Variants in ITGA5 observed in about 807,000 individuals in gnomAD.
The protein encoded by ITGA5 is integrin subunit alpha 5.
In ITGA5, 55 loss-of-function variants were observed where a neutral mutation model predicts 146.3. That is an observed-to-expected ratio of 0.38 (90% CI 0.30 to 0.47). The LOEUF (loss-of-function observed/expected upper bound fraction) is 0.47. ITGA5 is among the 20% of genes least tolerant of loss of function. The pLI is 0.99. For synonymous variants in ITGA5, 500 were observed against 531.8 expected, an observed-to-expected ratio of 0.94 and a Z score of 0.82; for missense variants, 1,131 against 1,329.0, an observed-to-expected ratio of 0.85 and a Z score of 2.32.
chr12:54,405,971 T>C (rs1955861867), intron 9 of ITGA5, 45 bp from the exon 10 acceptor site: 1 of 1,544,470 alleles, frequency 6.5e-7, no homozygotes, highest in Non-Finnish European at 9.0e-7. Context: ...ACTCCCAGAA[T>C]ATCCCATGGT....
Position 54,417,758 on chromosome 12 carries a change from C to T in ITGA5, c.218+1223G>A, listed in dbSNP as rs1353166309. 3.3e-5 allele frequency among the ~76,000 whole-genome samples: 5 copies of T among 152,202 alleles called. No individual in the cohort carries two copies. The South Asian group carries it at 8.3e-4, about 25-fold the overall frequency. ...GTGGGGGTGAGCAGTAGGAAGCTCC[C>T]AGCTCAGAGATGTAGAAGAAAAAGG... is the stretch of plus-strand genomic sequence containing the variant. On this transcript the variant is annotated intron_variant, in intron 1 of 29. Transcript: ENST00000293379.
rs1322457345 is a variant in ITGA5 at position 54,396,252 on chromosome 12, G to A, written c.*41C>T. ...CCTTTTCAGTAGAATGAGGGTGGGGGGACTGGTTCTTCAGGAATGGGAGTC... is the reference window on the plus strand; with the variant it reads ...CCTTTTCAGTAGAATGAGGGTGGGGAGACTGGTTCTTCAGGAATGGGAGTC... On this transcript the variant is annotated 3_prime_UTR_variant, in exon 30 of 30. Transcript: ENST00000293379. 6.8e-7 allele frequency: 1 copy of A among 1,470,426 alleles called. No homozygotes were observed. The highest frequency in any genetic ancestry group is 1.1e-5 in the South Asian group (1 of 88,062). 91.1% of individuals were successfully genotyped at this position (1,470,426 alleles called of 1,614,324 possible). A position where few individuals can be genotyped will look rare whatever the true frequency, so the allele number is the denominator to read the frequency against.
rs200918284 is a variant in ITGA5, at chr12:54,405,169, T to C, written c.1222A>G (p.Asn408Asp). 5.9e-5 allele frequency: 94 copies of C among 1,596,222 alleles called. No homozygotes were observed. Among genetic ancestry groups the C allele is most frequent in the Admixed American group, 1.7e-5 (1 of 58,842 alleles). ...TCTCTGAGCCCATGGTACTCACCAT[T>C]GTAGCCATCCTGGTCCAGGTCCCCC... is the stretch of plus-strand genomic sequence containing the variant. ...PLGDLDQDGYNDVAIGAPFGG... is the reference protein window; with the variant it reads ...PLGDLDQDGYDDVAIGAPFGG... The change falls in exon 12 of 30, where the codon AAT becomes GAT. Residue 408 changes from asparagine to aspartate, a missense_variant. Coordinates refer to ENST00000293379, the MANE Select transcript of ITGA5 (RefSeq NM_002205.5).
At chr12:54,407,338 C>T in intron 9 of ITGA5, 1 of 409,248 alleles carries the variant, frequency 2.4e-6, no homozygotes, top group South Asian at 3.1e-5. Context: ...GCCAGTTGTA[C>T]ATTGCCTAAC....
intron 9 of ITGA5, among the ~76,000 whole-genome samples, chr12:54,406,484 T>C (rs373591363): frequency 6.6e-6 from 1 of 152,220 alleles, no homozygotes; most frequent in African/African-American, 2.4e-5. Flanking sequence ...ACAATGTCCC[T>C]GCCTCCAGCT....
rs79092642 is a variant in ITGA5 at position 54,404,228 on chromosome 12, G to A, written c.1482C>T (p.Ser494=). The change falls in exon 15 of 30, where the codon TCC becomes TCT. Residue 494 remains serine (S), a synonymous_variant. Coordinates refer to ENST00000293379, the MANE Select transcript of ITGA5 (RefSeq NM_002205.5). ...GGAAGATGGTGAGGGAGGCACTAGC[G>A]GACACGATGGGGCGGCCCCTGCCAA... ...AVVYRGRPIV[S]ASASLTIFPA... 4,617 of 1,601,636 alleles carry A rather than the reference G, an allele frequency of 2.9e-3. 130 individuals carry two copies. The African/African-American group carries it at 0.055, about 19-fold the overall frequency.
chr12:54,411,300 T>C (rs1296282293), intron 2 of ITGA5, among the ~76,000 whole-genome samples: 1 of 152,180 alleles, frequency 6.6e-6, no homozygotes, highest in African/African-American at 2.4e-5. Context: ...CCTTATACAG[T>C]TGTTGAAAAG....
At chr12:54,404,343 A>G (rs937226266) in intron 14 of ITGA5, 87 bp downstream of exon 14, 18 of 1,574,112 alleles carry the variant, frequency 1.1e-5, no homozygotes, top group Non-Finnish European at 1.5e-5. Context: ...TGTCCTCTGC[A>G]TTGATTTTCC....
At chr12:54,400,151 G>A in intron 25 of ITGA5, 2 of 572,366 alleles carry the variant, frequency 3.5e-6, no homozygotes. Context: ...GATCACACTG[G>A]AGGAGATGCT....
rs1159083862 is a variant in ITGA5 at position 54,398,815 on chromosome 12, GTCTC to G, written c.2842-121_2842-118del. 1.5e-3 allele frequency: 649 copies of G among 443,272 alleles called. 1 individual carries two copies. Among genetic ancestry groups the G allele is most frequent in the African/African-American group, 2.1e-3 (87 of 41,678 alleles). 27.5% of individuals were successfully genotyped at this position (443,272 alleles called of 1,614,324 possible). On this transcript the variant is annotated intron_variant, in intron 27 of 29. Transcript: ENST00000293379. Reference sequence around the variant, plus strand: ...CCTATTTTGGGCTCATTCTTCCTGAGTCTCTCTCTCTCTCTCTCTCTTTTTTTTT... The same window carrying G: ...CCTATTTTGGGCTCATTCTTCCTGAGTCTCTCTCTCTCTCTCTTTTTTTTT...
chr12:54,411,403 G>A (rs1447161633), intron 2 of ITGA5, among the ~76,000 whole-genome samples: 1 of 152,176 alleles, frequency 6.6e-6, no homozygotes. Context: ...CCATCCATCT[G>A]TGTCTACTCA....
chr12:54,408,981 G>A (rs1955905021), intron 4 of ITGA5, 27 bp from the exon 5 acceptor site: 2 of 1,610,028 alleles, frequency 1.2e-6, no homozygotes, highest in Non-Finnish European at 1.7e-6. Context: ...TGGTGAAAAT[G>A]AGCCCTGCAT....
At position 54,411,851 on chromosome 12, in the gene ITGA5, A is replaced by G; in HGVS notation, c.332T>C (p.Ile111Thr). 7 of 1,530,830 alleles carry G rather than the reference A, an allele frequency of 4.6e-6. No homozygotes were observed. Among genetic ancestry groups the G allele is most frequent in the Non-Finnish European group, 6.2e-6 (7 of 1,137,244 alleles). 94.8% of individuals were successfully genotyped at this position (1,530,830 alleles called of 1,614,324 possible). A position where few individuals can be genotyped will look rare whatever the true frequency, so the allele number is the denominator to read the frequency against. The change falls in exon 2 of 30, where the codon ATT becomes ACT. Residue 111 changes from isoleucine to threonine, a missense_variant. Around this residue, in one of 3 missense-constraint regions of ITGA5, gnomAD observed 175 missense variants for 179.3 expected, o/e 0.98. Transcript: ENST00000293379. ...WGASPTQCTP[I>T]EFDSKGSRLL... ...TGGCCTACCTTTGCTGTCAAATTCA[A>G]TGGGGGTGCACTGTGTGGGGCTGGC...
At position 54,404,026 on chromosome 12, in the gene ITGA5, A is replaced by G. The variant is rs893037108; in HGVS notation, c.1566-60T>C. The G allele has an allele frequency of 1.9e-6, 3 of 1,593,076 alleles. No homozygotes were observed. The African/African-American group carries it at 4.0e-5, about 21-fold the overall frequency. On this transcript the variant is annotated intron_variant, in intron 15 of 29. Coordinates refer to ENST00000293379, the MANE Select transcript of ITGA5 (RefSeq NM_002205.5). The stretch of plus-strand genomic sequence containing the variant: ...AACTGGAACAGACATCCTATCCTCT[A>G]CCTATCTCCCAGCCAGACCCAGACT...
Position 54,402,043 on chromosome 12 carries a change from C to T in ITGA5, c.2184G>A (p.Leu728=), listed in dbSNP as rs1308050547. 6 of 1,614,098 alleles carry T rather than the reference C, an allele frequency of 3.7e-6. No homozygotes were observed. The highest frequency in any genetic ancestry group is 5.1e-6 in the Non-Finnish European group (6 of 1,180,046). ...TGGGGTTGCCCAGGTCACACACCAG[C>T]AGGCGGCTCTGGTTCACGGCAAAGT... ...CDYFAVNQSR[L]LVCDLGNPMK... The change falls in exon 21 of 30, where the codon CTG becomes CTA. Residue 728 remains leucine (L), a synonymous_variant. Transcript: ENST00000293379.
At chr12:54,413,144 C>T (rs961439531) in intron 1 of ITGA5, 1 of 152,348 alleles carries the variant, frequency 6.6e-6, no homozygotes, top group Non-Finnish European at 1.5e-5. Flanking sequence ...TATTTGAATA[C>T]CTTCCTCAGC....
chr12:54,404,487 C>T lies in ITGA5; in HGVS notation c.1418-12G>A, dbSNP rs1955834129. ...CCCCACAATCAGATCTGTAAGAAGT[C>T]AAGAAATCACCTCTTACAGCAAGCC... On this transcript the variant is annotated splice_polypyrimidine_tract_variant and intron_variant, in intron 13 of 29. Coordinates refer to ENST00000293379, the MANE Select transcript of ITGA5 (RefSeq NM_002205.5). 1 of 1,613,996 alleles carries T rather than the reference C, an allele frequency of 6.2e-7. No homozygotes were observed. The highest frequency in any genetic ancestry group is 8.5e-7 in the Non-Finnish European group (1 of 1,179,874).
At position 54,419,181 on chromosome 12, in the gene ITGA5, T is replaced by C; in HGVS notation, c.18A>G (p.Pro6=). 1 of 1,567,410 alleles carries C rather than the reference T, an allele frequency of 6.4e-7. No homozygotes were observed. The highest frequency in any genetic ancestry group is 8.6e-7 in the Non-Finnish European group (1 of 1,157,446). MGSRT[P]ESPLHAVQLR... ...GCTGCACGGCGTGGAGAGGGGACTC[T>C]GGCGTCCGGCTCCCCATAGCGCCCG... is the stretch of plus-strand genomic sequence containing the variant. The change falls in exon 1 of 30, where the codon CCA becomes CCG. Residue 6 remains proline (P), a synonymous_variant. Transcript: ENST00000293379.
rs900759123 is a variant in ITGA5, at chr12:54,395,575, G to A, written c.*718C>T. 2.0e-5 allele frequency: 3 copies of A among 152,488 alleles called. No homozygotes were observed. Among genetic ancestry groups the A allele is most frequent in the Non-Finnish European group, 4.4e-5 (3 of 68,046 alleles). 9.4% of individuals were successfully genotyped at this position (152,488 alleles called of 1,614,324 possible). ...GGGTGAACTGGGCCTCCAGGATCAG[G>A]TCTGGAGCAGGCCCAAATATAGTCC... is the stretch of plus-strand genomic sequence containing the variant. On this transcript the variant is annotated 3_prime_UTR_variant, in exon 30 of 30. Transcript: ENST00000293379.
Sources: gnomAD v4.1 joint callset for allele counts (sites outside exome capture counted in the v4.1 genomes callset) on GRCh38, gnomAD v4.1.1 for gene constraint, gnomAD v4.1.1 regional missense constraint, MANE v1.5 for transcripts, NCBI Gene and HGNC (gene_info 2026-07-23, HGNC 2026-07-21) for gene names.